Variants in SFMBT1 observed in about 807,000 individuals in gnomAD.
SFMBT1 encodes Scm like with four mbt domains 1.
In SFMBT1, 32 loss-of-function variants were observed where a neutral mutation model predicts 108.7. The observed-to-expected ratio is 0.29, with a 90% CI of 0.22 to 0.40. The LOEUF is 0.40. Among genes scored for constraint, SFMBT1 ranks in the 10% least tolerant of loss-of-function variants. The probability of loss-of-function intolerance (pLI) is 1.00; values close to 1 mark genes in which losing one functional copy is unlikely to be tolerated. For missense variants in SFMBT1, 816 were observed against 1,059.6 expected (o/e 0.77, Z 3.19); for synonymous variants, 348 against 369.5 (o/e 0.94, Z 0.67).
At chr3:52,968,123 T>C (rs1266968964) in intron 2 of SFMBT1, among the ~76,000 whole-genome samples, 2 of 152,188 alleles carry the variant, frequency 1.3e-5, no homozygotes, top group Non-Finnish European at 2.9e-5. Flanking sequence ...AGGAACAAAC[T>C]GTCAATATAC....
In SFMBT1 at chr3:52,934,896, T is replaced by C. The variant is rs1432187673; in HGVS notation, c.370A>G (p.Arg124Gly). The C allele has an allele frequency of 6.2e-7, 1 of 1,611,772 alleles. No individual in the cohort carries two copies. The highest frequency in any genetic ancestry group is 8.5e-7 in the Non-Finnish European group (1 of 1,178,762). Residue 124 changes from arginine to glycine, a missense_variant, in exon 5 of 21, where the codon AGA becomes GGA. Physicochemically the swap from Arg to Gly is moderately radical, Grantham distance 125 (BLOSUM62 -2). Around this residue, in one of 5 missense-constraint regions of SFMBT1, gnomAD observed 495 missense variants for 607.4 expected, o/e 0.81. Transcript: ENST00000394752. ...KKTLEAPEGI[R>G]DKVSDWDEFL... ...TCATCCCAGTCAGATACTTTATCTCTGATGCCTAGATGAGGGAATAAATGA... is the reference window on the plus strand; with the variant it reads ...TCATCCCAGTCAGATACTTTATCTCCGATGCCTAGATGAGGGAATAAATGA...
intron 2 of SFMBT1, among the ~76,000 whole-genome samples, chr3:52,965,317 GA>G (rs1473606552): frequency 1.1e-5 from 1 of 94,990 alleles, no homozygotes; most frequent in East Asian, 2.9e-4. Context: ...ACAACAGAGA[GA>G]AAACATTAAA....
intron 1 of SFMBT1, among the ~76,000 whole-genome samples, chr3:53,008,259 C>T (rs533974912): frequency 6.6e-6 from 1 of 152,288 alleles, no homozygotes; most frequent in African/African-American, 2.4e-5. Context: ...GAAACATACA[C>T]ACACTAGGGT....
chr3:52,981,871 A>C (rs1444862328), intron 1 of SFMBT1, among the ~76,000 whole-genome samples: 1 of 152,192 alleles, frequency 6.6e-6, no homozygotes, highest in East Asian at 1.9e-4. Context: ...CGAAGGGAAA[A>C]GATAAAAGCC....
At chr3:52,971,578 A>G (rs1704343768) in intron 1 of SFMBT1, among the ~76,000 whole-genome samples, 1 of 152,112 alleles carries the variant, frequency 6.6e-6, no homozygotes, top group South Asian at 2.1e-4. Context: ...CTCCTTACCA[A>G]CCACTACTGT....
At chr3:53,035,813 A>G (rs1335864432) in intron 1 of SFMBT1, among the ~76,000 whole-genome samples, 1 of 152,214 alleles carries the variant, frequency 6.6e-6, no homozygotes, top group Non-Finnish European at 1.5e-5. Context: ...GGCTGGTCTC[A>G]AACTCCTGGC....
At chr3:53,025,058 G>C (rs977314139) in intron 1 of SFMBT1, among the ~76,000 whole-genome samples, 1 of 152,054 alleles carries the variant, frequency 6.6e-6, no homozygotes, top group Non-Finnish European at 1.5e-5. Context: ...TTTTATATAA[G>C]TATTATAGAA....
At chr3:52,910,980 C>T (rs1028706506) in intron 17 of SFMBT1, 23 bp downstream of exon 17, 2 of 1,612,682 alleles carry the variant, frequency 1.2e-6, no homozygotes, top group Non-Finnish European at 1.7e-6. Flanking sequence ...CTATGGTTAA[C>T]ACATTGGAAA....
intron 4 of SFMBT1, among the ~76,000 whole-genome samples, chr3:52,940,353 A>G (rs1703142332): frequency 6.6e-6 from 1 of 152,228 alleles, no homozygotes. Flanking sequence ...ATGCTTCTTG[A>G]GCCAAAAAAT....
At chr3:52,941,190 A>G (rs1403473753) in intron 4 of SFMBT1, among the ~76,000 whole-genome samples, 1 of 152,234 alleles carries the variant, frequency 6.6e-6, no homozygotes, top group Non-Finnish European at 1.5e-5. Flanking sequence ...CTTTCAAAAT[A>G]TCAAAGTCAT....
intron 3 of SFMBT1, among the ~76,000 whole-genome samples, chr3:52,945,140 A>AAAAAAAAAAAAAAAAAAAAAAAAAAC (rs1368281318): frequency 6.8e-6 from 1 of 146,172 alleles, no homozygotes; most frequent in Non-Finnish European, 1.5e-5. Flanking sequence ...TCCAATTAAA[A>AAAAAAAAAAAAAAAAAAAAAAAAAAC]AAAAAAAAAA....
At position 53,004,049 on chromosome 3, in the gene SFMBT1, T is replaced by C. The variant is rs190328062; in HGVS notation, c.-130-34791A>G. ...GAAATTCATCTTTTAAAGTTATAGA[T>C]ATGAGGTTTTAACTCAAAAAGAAGG... On this transcript the variant is annotated intron_variant, in intron 1 of 20. Coordinates refer to ENST00000394752, the MANE Select transcript of SFMBT1 (RefSeq NM_016329.4). Among the ~76,000 whole-genome samples, 4 of 150,110 alleles carry C rather than the reference T, an allele frequency of 2.7e-5. No homozygotes were observed. In the East Asian group the frequency reaches 7.8e-4, roughly 29 times the overall value.
chr3:52,943,641 T>G, intron 3 of SFMBT1, 48 bp from the exon 4 acceptor site: 2 of 1,612,622 alleles, frequency 1.2e-6, no homozygotes, highest in South Asian at 2.2e-5. Context: ...CTTAAATGAG[T>G]ATTTCTTTGA....
intron 1 of SFMBT1, among the ~76,000 whole-genome samples, chr3:53,021,593 C>G (rs2106943376): frequency 6.6e-6 from 1 of 152,256 alleles, no homozygotes; most frequent in African/African-American, 2.4e-5. Context: ...TTGATGGTTG[C>G]TAACAGTGTC....
intron 1 of SFMBT1, among the ~76,000 whole-genome samples, chr3:52,998,471 C>A (rs1036848425): frequency 1.3e-5 from 2 of 150,364 alleles, no homozygotes; most frequent in South Asian, 4.2e-4. Context: ...AGGCTGGGTG[C>A]AGCTTCAAGC....
At position 52,982,729 on chromosome 3, in the gene SFMBT1, C is replaced by CAAAAAAAAAAAAAAAAAA. The variant is rs34099481; in HGVS notation, c.-130-13489_-130-13472dup. On this transcript the variant is annotated intron_variant, in intron 1 of 20. Coordinates refer to ENST00000394752, the MANE Select transcript of SFMBT1 (RefSeq NM_016329.4). ...GGGCGACAGAGCAAGACTCCCATCTCAAAAAAAAAAAAAAAAAAAAAAAAG... is the reference window on the plus strand; with the variant it reads ...GGGCGACAGAGCAAGACTCCCATCTCAAAAAAAAAAAAAAAAAAAAAAAAAAAAAAAAAAAAAAAAAAG... Among the ~76,000 whole-genome samples the CAAAAAAAAAAAAAAAAAA allele has an allele frequency of 2.7e-4, 19 of 69,112 alleles. 1 individual carries two copies. Among genetic ancestry groups the CAAAAAAAAAAAAAAAAAA allele is most frequent in the African/African-American group, 8.3e-4 (13 of 15,634 alleles). 45.3% of individuals were successfully genotyped at this position (69,112 alleles called of 152,430 possible).
At chr3:52,985,023 A>C (rs1704856797) in intron 1 of SFMBT1, among the ~76,000 whole-genome samples, 1 of 152,110 alleles carries the variant, frequency 6.6e-6, no homozygotes, top group African/African-American at 2.4e-5. Flanking sequence ...TTATCCTTAT[A>C]TTATCTTATA....
intron 1 of SFMBT1, among the ~76,000 whole-genome samples, chr3:53,016,560 T>A (rs1434905204): frequency 6.6e-6 from 1 of 152,204 alleles, no homozygotes; most frequent in African/African-American, 2.4e-5. Flanking sequence ...CATCCCCCAA[T>A]TAAAGTGAGA....
At chr3:53,019,003 G>A (rs752604423) in intron 1 of SFMBT1, 2 of 152,164 alleles carry the variant, frequency 1.3e-5, no homozygotes, top group African/African-American at 2.4e-5. Context: ...GCAAACTCAT[G>A]GCTATAAATA....
Sources: gnomAD v4.1 joint callset for allele counts (sites outside exome capture counted in the v4.1 genomes callset) on GRCh38, gnomAD v4.1.1 for gene constraint, gnomAD v4.1.1 regional missense constraint, MANE v1.5 for transcripts, NCBI Gene and HGNC (gene_info 2026-07-23, HGNC 2026-07-21) for gene names.